Variants in PKHD1 observed in about 807,000 individuals in gnomAD.
PKHD1 encodes the protein fibrocystin.
In PKHD1, 291 loss-of-function variants were observed where a neutral mutation model predicts 412.0. That is an observed-to-expected ratio of 0.71 (90% confidence interval 0.64 to 0.78). The LOEUF is 0.78. Among genes scored for constraint, PKHD1 ranks in the 30% least tolerant of loss-of-function variants. The probability of loss-of-function intolerance (pLI) is 0.00; values close to 1 mark genes in which losing one functional copy is unlikely to be tolerated. For synonymous variants in PKHD1, 1,777 were observed against 1,821.5 expected (o/e 0.98, Z 0.62); for missense variants, 4,825 against 4,950.7 (o/e 0.97, Z 0.76).
chr6:51,899,484 T>G (rs1164736553), intron 43 of PKHD1, among the ~76,000 whole-genome samples: 1 of 151,942 alleles, frequency 6.6e-6, no homozygotes, highest in African/African-American at 2.4e-5. Flanking sequence ...TGCTAAAAAC[T>G]CTCAATAAAT....
At chr6:51,625,533 A>G (rs1483544969) in intron 66 of PKHD1, among the ~76,000 whole-genome samples, 2 of 152,088 alleles carry the variant, frequency 1.3e-5, no homozygotes, top group African/African-American at 4.8e-5. Flanking sequence ...GTCCTAATAA[A>G]ATGGCCTCTT....
chr6:51,901,744 T>A (rs1325930243), intron 43 of PKHD1, among the ~76,000 whole-genome samples: 3 of 150,810 alleles, frequency 2.0e-5, no homozygotes, highest in African/African-American at 7.3e-5. Flanking sequence ...GTCAGGAATA[T>A]ACCTAATGAA....
chr6:51,979,020 G>C (rs1794804473), intron 35 of PKHD1, among the ~76,000 whole-genome samples: 1 of 152,102 alleles, frequency 6.6e-6, no homozygotes, highest in Admixed American at 6.5e-5. Flanking sequence ...TTAATATCAA[G>C]TTTACAGAGT....
At chr6:51,694,533 G>A (rs764125054) in intron 60 of PKHD1, among the ~76,000 whole-genome samples, 5 of 116,598 alleles carry the variant, frequency 4.3e-5, no homozygotes, top group Non-Finnish European at 6.8e-5. Flanking sequence ...ACAGGTGCCC[G>A]CCACCACAAC....
chr6:52,054,514 C>T (rs1019210876), intron 19 of PKHD1, among the ~76,000 whole-genome samples: 5 of 152,158 alleles, frequency 3.3e-5, no homozygotes, highest in Admixed American at 6.5e-5. Flanking sequence ...CGTGCAACCT[C>T]GAGCAAGTAA....
At chr6:51,665,224 G>C (rs577252790) in intron 60 of PKHD1, among the ~76,000 whole-genome samples, 3 of 152,156 alleles carry the variant, frequency 2.0e-5, no homozygotes, top group African/African-American at 7.2e-5. Context: ...TCTTGTGACA[G>C]ATATACTTTT....
At chr6:51,807,000 C>T (rs571571618) in intron 52 of PKHD1, among the ~76,000 whole-genome samples, 6 of 152,052 alleles carry the variant, frequency 3.9e-5, no homozygotes, top group Non-Finnish European at 7.4e-5. Context: ...ACCTAAAATA[C>T]CCTGCAAAAG....
chr6:51,972,988 G>GA (rs1453688256), intron 35 of PKHD1, among the ~76,000 whole-genome samples: 2 of 152,158 alleles, frequency 1.3e-5, no homozygotes, highest in East Asian at 1.9e-4. Context: ...TGACATGACA[G>GA]AAAAAACATC....
chr6:51,619,636 C>T, intron 66 of PKHD1, 116 bp from the exon 67 acceptor site: 1 of 820,654 alleles, frequency 1.2e-6, no homozygotes, highest in South Asian at 1.6e-5. Context: ...TGAATTACAT[C>T]AGCTCTTTGA....
intron 43 of PKHD1, among the ~76,000 whole-genome samples, chr6:51,901,160 A>G (rs1395160288): frequency 6.6e-6 from 1 of 152,232 alleles, no homozygotes; most frequent in Admixed American, 6.5e-5. Context: ...CAGCCATCCC[A>G]TTACTGGGTA....
chr6:52,026,188 T>C lies in PKHD1; in HGVS notation c.3629-7A>G, dbSNP rs1802159811. The C allele has an allele frequency of 1.2e-6, 2 of 1,613,224 alleles. No homozygotes were observed. Among genetic ancestry groups the C allele is most frequent in the Non-Finnish European group, 1.7e-6 (2 of 1,179,554 alleles). Reference sequence around the variant, plus strand: ...ATGCTGAGGATGGTCCCTCCTAAAGTATGAATACGGAAAGCAAAATATTAT... The same window carrying C: ...ATGCTGAGGATGGTCCCTCCTAAAGCATGAATACGGAAAGCAAAATATTAT... On this transcript the variant is annotated splice_region_variant and splice_polypyrimidine_tract_variant and intron_variant, in intron 31 of 66. Coordinates refer to ENST00000371117, the MANE Select transcript of PKHD1 (RefSeq NM_138694.4).
intron 34 of PKHD1, among the ~76,000 whole-genome samples, chr6:52,014,500 C>CATGGATGG (rs559212704): frequency 1.2e-4 from 18 of 151,572 alleles, no homozygotes; most frequent in African/African-American, 4.4e-4. Flanking sequence ...ATGGATGGAT[C>CATGGATGG]ATGGATGGAT....
At position 52,048,565 on chromosome 6, in the gene PKHD1, T is replaced by C; in HGVS notation, c.2334A>G (p.Thr778=). The C allele has an allele frequency of 6.2e-7, 1 of 1,614,096 alleles. No individual in the cohort carries two copies. Among genetic ancestry groups the C allele is most frequent in the Non-Finnish European group, 8.5e-7 (1 of 1,179,944 alleles). The change falls in exon 23 of 67, where the codon ACA becomes ACG. Residue 778 remains threonine, a synonymous_variant. Transcript: ENST00000371117. ...GTGGACTTGTCCGCTGTCGTCTCTG[T>C]GTCGTCACCAGGACCAGTCCAGATC... ...EEGSGLVLVT[T]QRRQRTSPPL...
intron 36 of PKHD1, 149 bp downstream of exon 36, chr6:51,959,721 C>A (rs1178943673): frequency 9.6e-6 from 7 of 725,780 alleles, no homozygotes; most frequent in Non-Finnish European, 1.7e-5. Context: ...CTGACCACTT[C>A]TTCCTTTACA....
intron 52 of PKHD1, among the ~76,000 whole-genome samples, chr6:51,799,196 C>T (rs1056308121): frequency 5.9e-5 from 9 of 152,118 alleles, no homozygotes; most frequent in African/African-American, 2.2e-4. Flanking sequence ...TGTACACACA[C>T]ATAAATTCCA....
At chr6:51,949,499 C>T (rs1789989055) in intron 36 of PKHD1, among the ~76,000 whole-genome samples, 1 of 152,114 alleles carries the variant, frequency 6.6e-6, no homozygotes, top group Non-Finnish European at 1.5e-5. Flanking sequence ...GCACCCACAG[C>T]CCAAAGAAAC....
intron 60 of PKHD1, among the ~76,000 whole-genome samples, chr6:51,690,011 C>A (rs183689397): frequency 6.6e-6 from 1 of 152,200 alleles, no homozygotes; most frequent in Non-Finnish European, 1.5e-5. Flanking sequence ...TGGTGGCTCA[C>A]GCCTGTAATC....
chr6:51,999,800 T>C (rs569059048), intron 35 of PKHD1, among the ~76,000 whole-genome samples: 1 of 152,344 alleles, frequency 6.6e-6, no homozygotes, highest in Non-Finnish European at 1.5e-5. Flanking sequence ...AAATAAAAAA[T>C]GTTTAACATG....
At chr6:52,035,481 T>G in intron 28 of PKHD1, 110 bp downstream of exon 28, 6 of 1,086,074 alleles carry the variant, frequency 5.5e-6, no homozygotes, top group Non-Finnish European at 8.6e-6. Flanking sequence ...ACTATCATAA[T>G]GAGAAGTTTA....
Sources: gnomAD v4.1 joint callset for allele counts (sites outside exome capture counted in the v4.1 genomes callset) on GRCh38, gnomAD v4.1.1 for gene constraint, MANE v1.5 for transcripts, NCBI Gene and HGNC (gene_info 2026-07-23, HGNC 2026-07-21) for gene names.